Variants in COL17A1 observed in about 807,000 individuals in gnomAD.
COL17A1 encodes collagen alpha-1(XVII) chain.
A neutral mutation model predicts 218.4 loss-of-function variants in COL17A1; 181 were observed. The observed-to-expected ratio is 0.83, with a 90% CI of 0.73 to 0.94. COL17A1 has a LOEUF of 0.94. Among genes scored for constraint, COL17A1 ranks in the 40% least tolerant of loss-of-function variants. The probability of loss-of-function intolerance (pLI) is 0.00; values close to 1 mark genes in which losing one functional copy is unlikely to be tolerated. For synonymous variants in COL17A1, 721 were observed against 731.0 expected (o/e 0.99, Z 0.22); for missense variants, 1,924 against 1,945.9 (o/e 0.99, Z 0.21).
At chr10:104,079,636 A>C (rs865817050) in intron 2 of COL17A1, among the ~76,000 whole-genome samples, 6 of 152,254 alleles carry the variant, frequency 3.9e-5, no homozygotes, top group Non-Finnish European at 8.8e-5. Flanking sequence ...AATGCATAAA[A>C]GGAAATGTTG....
intron 15 of COL17A1, among the ~76,000 whole-genome samples, chr10:104,058,721 C>G (rs1464085874): frequency 1.3e-5 from 2 of 152,140 alleles, no homozygotes; most frequent in East Asian, 3.9e-4. Context: ...ATCACGAGGT[C>G]AGGAGTTCGA....
In COL17A1 at chr10:104,060,153, C is replaced by T. The variant is rs777121743; in HGVS notation, c.1107G>A (p.Lys369=). ...ELLIMTKDSG[K]VFTASPASIA... is the part of the protein sequence containing the mutation. ...TGCTGGCAGGGGAGGCTGTAAAGACCTTCCCGCTGTCCTTGGTCATGATGA... is the reference window on the plus strand; with the variant it reads ...TGCTGGCAGGGGAGGCTGTAAAGACTTTCCCGCTGTCCTTGGTCATGATGA... The change falls in exon 14 of 56, where the codon AAG becomes AAA. Residue 369 remains lysine, a synonymous_variant. Transcript: ENST00000648076. 1.5e-5 allele frequency: 25 copies of T among 1,614,042 alleles called. No individual in the cohort carries two copies. Among genetic ancestry groups the T allele is most frequent in the Non-Finnish European group, 1.8e-5 (21 of 1,180,044 alleles).
Position 104,033,375 on chromosome 10 carries a change from C to T in COL17A1, c.4157G>A (p.Arg1386His). ...LAVRVSESMQ[R>H]QGLLQGMAYT... ...GGCCATCCCTTGCAGTAGGCCCTGA[C>T]CTGTAAAACACCAGAGCTTGGGCAC... Residue 1386 changes from arginine to histidine, a missense_variant and splice_region_variant, in exon 53 of 56, where the codon CGT (arginine) becomes CAT (histidine). Coordinates refer to ENST00000648076, the MANE Select transcript of COL17A1 (RefSeq NM_000494.4). 1 of 1,610,360 alleles carries T rather than the reference C, an allele frequency of 6.2e-7. No individual in the cohort carries two copies.
intron 15 of COL17A1, among the ~76,000 whole-genome samples, chr10:104,059,010 C>A (rs539826545): frequency 6.6e-6 from 1 of 152,130 alleles, no homozygotes; most frequent in South Asian, 2.1e-4. Context: ...GCAATTTGTT[C>A]ATACCTTTCA....
intron 33 of COL17A1, among the ~76,000 whole-genome samples, chr10:104,044,698 G>A (rs898634921): frequency 4.6e-5 from 7 of 152,096 alleles, no homozygotes; most frequent in Non-Finnish European, 7.4e-5. Flanking sequence ...TCCAACGTTC[G>A]GTAAAATGGC....
At chr10:104,049,294 C>T in intron 29 of COL17A1, 115 bp downstream of exon 29, 1 of 928,438 alleles carries the variant, frequency 1.1e-6, no homozygotes, top group Non-Finnish European at 1.8e-6. Context: ...GAGACTCTAC[C>T]AGGAGTGGGC....
At chr10:104,054,545 A>G (rs551746472) in intron 20 of COL17A1, among the ~76,000 whole-genome samples, 3 of 152,104 alleles carry the variant, frequency 2.0e-5, no homozygotes, top group Non-Finnish European at 4.4e-5. Flanking sequence ...CGAGGGCCCC[A>G]AAGTGGAGGA....
chr10:104,033,927 CT>C lies in COL17A1; in HGVS notation c.4156+17del. 1.2e-6 allele frequency: 2 copies of C among 1,614,154 alleles called. No homozygotes were observed. Among genetic ancestry groups the C allele is most frequent in the Non-Finnish European group, 1.7e-6 (2 of 1,180,020 alleles). ...CGCTCCTTCCCCCCAGCACCAAGGC[CT>C]AAATGTCCCCACTTACGCTGCATGC... On this transcript the variant is annotated intron_variant, in intron 52 of 55. Coordinates refer to ENST00000648076, the MANE Select transcript of COL17A1 (RefSeq NM_000494.4).
intron 44 of COL17A1, 76 bp from the exon 45 acceptor site, chr10:104,038,604 A>G: frequency 2.5e-6 from 4 of 1,581,756 alleles, no homozygotes; most frequent in Non-Finnish European, 3.4e-6. Context: ...AATAGCTTCC[A>G]TGGTCTGAGG....
chr10:104,034,587 G>T, intron 51 of COL17A1, 34 bp downstream of exon 51: 1 of 1,603,562 alleles, frequency 6.2e-7, no homozygotes, highest in Non-Finnish European at 8.5e-7. Context: ...GGCCTGCGGG[G>T]TGCCTGGTGG....
At chr10:104,082,279 G>A (rs1284696498) in intron 1 of COL17A1, among the ~76,000 whole-genome samples, 1 of 152,228 alleles carries the variant, frequency 6.6e-6, no homozygotes, top group Non-Finnish European at 1.5e-5. Context: ...TCATTACAAG[G>A]ACAAATCTGA....
intron 31 of COL17A1, 72 bp from the exon 32 acceptor site, chr10:104,046,845 G>T: frequency 7.0e-7 from 1 of 1,434,156 alleles, no homozygotes; most frequent in Non-Finnish European, 9.8e-7. Flanking sequence ...ACCCACACCT[G>T]CAGAAACCGG....
rs545525268 is a variant in COL17A1, at chr10:104,035,340, C to T, written c.3542G>A (p.Gly1181Asp). ...SEFRGIVGPP[G>D]PPGPPGIPGN... is the part of the protein sequence containing the mutation. The stretch of plus-strand genomic sequence containing the variant: ...TGGGATCCCTGGTGGACCCGGGGGA[C>T]CTGGGGGTCCAACGATGCCTCTGAA... Residue 1181 changes from glycine to aspartate, a missense_variant, in exon 50 of 56, where the codon GGT (glycine) becomes GAT (aspartate). Gly to Asp is a moderately conservative substitution (Grantham distance 94). Transcript: ENST00000648076. The T allele has an allele frequency of 6.2e-7, 1 of 1,614,228 alleles. No individual in the cohort carries two copies. The highest frequency in any genetic ancestry group is 1.1e-5 in the South Asian group (1 of 91,090).
intron 13 of COL17A1, among the ~76,000 whole-genome samples, 158 bp from the exon 14 acceptor site, chr10:104,060,438 A>G (rs924924417): frequency 6.6e-6 from 1 of 152,162 alleles, no homozygotes; most frequent in African/African-American, 2.4e-5. Context: ...AGTGGTTACT[A>G]TGAAGCATCT....
intron 7 of COL17A1, among the ~76,000 whole-genome samples, chr10:104,072,912 G>A (rs2086680158): frequency 6.6e-6 from 1 of 152,202 alleles, no homozygotes; most frequent in South Asian, 2.1e-4. Flanking sequence ...AGTGAAAGCA[G>A]ATGTGGTATC....
Position 104,063,413 on chromosome 10 carries a change from T to C in COL17A1, c.838+334A>G, listed in dbSNP as rs545519939. 2.2e-3 allele frequency: 759 copies of C among 348,512 alleles called. 12 individuals are homozygous for C. Among genetic ancestry groups the C allele is most frequent in the South Asian group, 0.016 (573 of 36,660 alleles). 21.6% of individuals were successfully genotyped at this position (348,512 alleles called of 1,614,324 possible). On this transcript the variant is annotated intron_variant, in intron 11 of 55. Coordinates refer to ENST00000648076, the MANE Select transcript of COL17A1 (RefSeq NM_000494.4). ...CTATTTTTCTTTAAAAGATCTGAAA[T>C]AAAATCCTTCTAAATTAACAATGCC... is the stretch of plus-strand genomic sequence containing the variant.
chr10:104,037,380 G>A (rs1341311283), intron 46 of COL17A1, among the ~76,000 whole-genome samples: 3 of 151,962 alleles, frequency 2.0e-5, no homozygotes, highest in African/African-American at 7.2e-5. Flanking sequence ...TGCACAGGTG[G>A]GAAGAACCTA....
intron 10 of COL17A1, 50 bp from the exon 11 acceptor site, chr10:104,063,868 G>A: frequency 1.2e-6 from 2 of 1,611,644 alleles, no homozygotes; most frequent in Non-Finnish European, 1.7e-6. Context: ...GGCCCAGATA[G>A]GGATAGAGAT....
At chr10:104,078,018 G>C (rs995196811) in intron 3 of COL17A1, among the ~76,000 whole-genome samples, 10 of 152,164 alleles carry the variant, frequency 6.6e-5, no homozygotes, top group African/African-American at 2.4e-4. Context: ...CTGGTGGGTG[G>C]GCTCTCCCCA....
Sources: gnomAD v4.1 joint callset for allele counts (sites outside exome capture counted in the v4.1 genomes callset) on GRCh38, gnomAD v4.1.1 for gene constraint, MANE v1.5 for transcripts, NCBI Gene and HGNC (gene_info 2026-07-23, HGNC 2026-07-21) for gene names.